ABAT: variants seen among roughly 807,000 people sequenced by gnomAD.
The protein encoded by ABAT is 4-aminobutyrate aminotransferase, mitochondrial.
Under a neutral mutation model 64.6 loss-of-function variants are expected in ABAT, and 45 were observed. That is an observed-to-expected ratio of 0.70 (90% CI 0.55 to 0.89). ABAT has a LOEUF of 0.89. Ranked by LOEUF, ABAT falls within the 40% of genes least tolerant of loss-of-function variation. ABAT has a pLI of 0.00. For missense variants in ABAT, 633 were observed against 658.4 expected (o/e 0.96, Z 0.42); for synonymous variants, 297 against 250.5 (o/e 1.19, Z -1.75).
At chr16:8,697,786 C>A (rs937331676) in intron 1 of ABAT, among the ~76,000 whole-genome samples, 1 of 152,034 alleles carries the variant, frequency 6.6e-6, no homozygotes, top group African/African-American at 2.4e-5. Context: ...CAGGTACAAG[C>A]GACCACGCCC....
Position 8,776,613 on chromosome 16 carries a change from T to C in ABAT, c.1269+123T>C. On this transcript the variant is annotated intron_variant, in intron 14 of 15. Coordinates refer to ENST00000268251, the MANE Select transcript of ABAT (RefSeq NM_020686.6). This position sits in a 1 kb window ranked among gnomAD's most constrained non-coding sequence, Gnocchi z 4.4. Reference sequence around the variant, plus strand: ...TGTTCCAGCAGTTCGTAACGGGCTGTGCTGCTCCTAGCCTTGGGGGCTTTG... The same window carrying C: ...TGTTCCAGCAGTTCGTAACGGGCTGCGCTGCTCCTAGCCTTGGGGGCTTTG... 1 of 1,077,878 alleles carries C rather than the reference T, an allele frequency of 9.3e-7. No homozygotes were observed. Among genetic ancestry groups the C allele is most frequent in the Non-Finnish European group, 1.4e-6 (1 of 730,882 alleles). The allele number at this position is 1,077,878 out of a possible 1,614,324, so 66.8% of individuals were successfully genotyped here. A position where few individuals can be genotyped will look rare whatever the true frequency, so the allele number is the denominator to read the frequency against.
Position 8,782,778 on chromosome 16 carries a change from G to A in ABAT, c.*1348G>A, listed in dbSNP as rs2060469514. On this transcript the variant is annotated 3_prime_UTR_variant, in exon 16 of 16. Transcript: ENST00000268251. ...ACAGCAGAGAAGTATTATTTGGTGG[G>A]GAGTCTGAGAAAGCCTGGCTTGTAT... The A allele has an allele frequency of 6.6e-6, 1 of 152,192 alleles. No individual in the cohort carries two copies. Among genetic ancestry groups the A allele is most frequent in the Non-Finnish European group, 1.5e-5 (1 of 68,058 alleles). 9.4% of individuals were successfully genotyped at this position (152,192 alleles called of 1,614,324 possible).
In ABAT at chr16:8,746,076, A is replaced by C. The variant is rs1181412435; in HGVS notation, c.146A>C (p.Glu49Ala). 1 of 1,613,636 alleles carries C rather than the reference A, an allele frequency of 6.2e-7. No individual in the cohort carries two copies. The highest frequency in any genetic ancestry group is 1.1e-5 in the South Asian group (1 of 91,050). Residue 49 changes from glutamate (E) to alanine (A), a missense_variant, in exon 3 of 16, where the codon GAA (glutamate) becomes GCA (alanine). Coordinates refer to ENST00000268251, the MANE Select transcript of ABAT (RefSeq NM_020686.6). ...TATGATGGGCCTCTGATGAAGACGGAAGTCCCAGGGCCTAGATCTCAGGTG... is the reference window on the plus strand; with the variant it reads ...TATGATGGGCCTCTGATGAAGACGGCAGTCCCAGGGCCTAGATCTCAGGTG... Reference protein sequence around the residue: ...FDYDGPLMKTEVPGPRSQELM... With the variant: ...FDYDGPLMKTAVPGPRSQELM...
intron 1 of ABAT, among the ~76,000 whole-genome samples, chr16:8,733,275 G>A (rs1435712802): frequency 1.3e-5 from 2 of 151,480 alleles, no homozygotes; most frequent in African/African-American, 4.9e-5. Flanking sequence ...AGATGTGATG[G>A]CGGCCGGGAA....
At chr16:8,756,147 G>T (rs2059643733) in intron 5 of ABAT, among the ~76,000 whole-genome samples, 2 of 152,132 alleles carry the variant, frequency 1.3e-5, no homozygotes, top group Admixed American at 1.3e-4. Context: ...TTGAACCTGG[G>T]AGGCAGAGGT....
intron 5 of ABAT, among the ~76,000 whole-genome samples, chr16:8,752,562 C>T (rs1373726205): frequency 1.3e-5 from 2 of 152,100 alleles, no homozygotes; most frequent in South Asian, 4.1e-4. Flanking sequence ...AGTTTAAGAC[C>T]AATCTGGGCA....
In ABAT at chr16:8,764,032, C is replaced by T. The variant is rs778690625; in HGVS notation, c.367-37C>T. ...TTGTGGGCAGGGAGCTGGGTCAGGC[C>T]CCCAGAAGTCACCATTTGTCTCTTG... On this transcript the variant is annotated intron_variant, in intron 6 of 15. Transcript: ENST00000268251. The surrounding 1 kb of genome is among the most constrained non-coding windows in gnomAD (Gnocchi z 4.2). 6 of 1,575,952 alleles carry T rather than the reference C, an allele frequency of 3.8e-6. No individual in the cohort carries two copies. Among genetic ancestry groups the T allele is most frequent in the South Asian group, 2.2e-5 (2 of 90,258 alleles).
chr16:8,770,822 T>C (rs1567314218), intron 11 of ABAT, among the ~76,000 whole-genome samples: 2 of 152,364 alleles, frequency 1.3e-5, no homozygotes, highest in Non-Finnish European at 1.5e-5. Context: ...ATATTCAAAA[T>C]ATTATCACGT....
intron 1 of ABAT, among the ~76,000 whole-genome samples, chr16:8,710,727 A>AGAGAGAGTGAGAGGGAGG (rs146344975): frequency 9.6e-6 from 1 of 103,700 alleles, no homozygotes; most frequent in Non-Finnish European, 2.1e-5. Context: ...AGAGAGAGAG[A>AGAGAGAGTGAGAGGGAGG]GAGGAAATAG....
In ABAT at chr16:8,743,318, C is replaced by CTGTG. The variant is rs56100974; in HGVS notation, c.71-2651_71-2648dup. Among the ~76,000 whole-genome samples the CTGTG allele has an allele frequency of 3.9e-3, 549 of 142,574 alleles. 1 individual carries two copies. Among genetic ancestry groups the CTGTG allele is most frequent in the Middle Eastern group, 0.018 (5 of 284 alleles). 93.5% of individuals were successfully genotyped at this position (142,574 alleles called of 152,430 possible). A position where few individuals can be genotyped will look rare whatever the true frequency, so the allele number is the denominator to read the frequency against. On this transcript the variant is annotated intron_variant, in intron 2 of 15. Transcript: ENST00000268251. ...CGACAAGCTATCTGCATGTGTGTCT[C>CTGTG]TGTGTGTGTGTGTGTGTGTGTGTGT...
intron 9 of ABAT, 85 bp downstream of exon 9, chr16:8,766,355 C>A: frequency 7.2e-7 from 1 of 1,388,766 alleles, no homozygotes; most frequent in South Asian, 1.2e-5. Flanking sequence ...TGGCACTGTC[C>A]TCAATTAGGA....
At chr16:8,771,464 C>CTTTTTTTTTTTT (rs1207440161) in intron 11 of ABAT, among the ~76,000 whole-genome samples, 4 of 108,452 alleles carry the variant, frequency 3.7e-5, no homozygotes, top group Admixed American at 2.5e-4. Flanking sequence ...TAGGGTTTTT[C>CTTTTTTTTTTTT]TTTCTTTTTT....
At chr16:8,746,220 C>T in intron 3 of ABAT, 122 bp downstream of exon 3, 1 of 794,572 alleles carries the variant, frequency 1.3e-6, no homozygotes, top group South Asian at 1.4e-5. Context: ...AGTTCACCAC[C>T]AGAGATCTGA....
intron 1 of ABAT, among the ~76,000 whole-genome samples, chr16:8,684,043 AACAGGCCCCAAAACAAGGACC>A: frequency 6.6e-6 from 1 of 152,168 alleles, no homozygotes; most frequent in African/African-American, 2.4e-5. Flanking sequence ...GCCATGCGGA[AACAGGCCCCAAAACAAGGACC>A]ACACAGTGAG....
intron 1 of ABAT, among the ~76,000 whole-genome samples, chr16:8,694,033 A>G (rs1272231669): frequency 6.6e-6 from 1 of 150,940 alleles, no homozygotes; most frequent in Non-Finnish European, 1.5e-5. Flanking sequence ...ATTTTTATTT[A>G]TTTGTTTATT....
chr16:8,766,173 C>T, intron 8 of ABAT, 35 bp from the exon 9 acceptor site: 5 of 1,591,062 alleles, frequency 3.1e-6, no homozygotes, highest in Non-Finnish European at 3.5e-6. Flanking sequence ...TACCCCAGAG[C>T]ATCTCTGAGA....
intron 2 of ABAT, among the ~76,000 whole-genome samples, chr16:8,740,258 G>C (rs1440364912): frequency 1.3e-5 from 2 of 152,094 alleles, no homozygotes; most frequent in Non-Finnish European, 2.9e-5. Flanking sequence ...TAGCAGATTG[G>C]GATCCTATGT....
intron 1 of ABAT, among the ~76,000 whole-genome samples, chr16:8,675,343 G>A (rs1037093144): frequency 1.1e-4 from 17 of 151,928 alleles, no homozygotes; most frequent in Non-Finnish European, 2.2e-4. Context: ...AGGCTTTTGG[G>A]GATTTCCCCT....
At chr16:8,727,585 G>C (rs2058596062) in intron 1 of ABAT, among the ~76,000 whole-genome samples, 1 of 152,198 alleles carries the variant, frequency 6.6e-6, no homozygotes, top group Non-Finnish European at 1.5e-5. Context: ...TGCAGAATTT[G>C]TTGTTGACAG....
Sources: gnomAD v4.1 joint callset for allele counts (sites outside exome capture counted in the v4.1 genomes callset) on GRCh38, gnomAD v4.1.1 for gene constraint, Gnocchi (gnomAD v3.1) non-coding constraint, MANE v1.5 for transcripts, NCBI Gene and HGNC (gene_info 2026-07-23, HGNC 2026-07-21) for gene names.